ZNF831: variants seen among roughly 807,000 people sequenced by gnomAD.
ZNF831 encodes zinc finger protein 831.
In ZNF831, 59 loss-of-function variants were observed where a neutral mutation model predicts 95.8. The ratio of observed to expected loss-of-function variants is 0.62; its 90% CI spans 0.50 to 0.77. The LOEUF (loss-of-function observed/expected upper bound fraction) is 0.77, where lower values mean the gene tolerates loss of function less well. Among genes scored for constraint, ZNF831 ranks in the 30% least tolerant of loss-of-function variants. ZNF831 has a pLI of 0.00. For missense variants in ZNF831, 2,205 were observed against 2,164.0 expected (o/e 1.02, Z -0.38); for synonymous variants, 961 against 925.5 (o/e 1.04, Z -0.70).
chr20:59,174,571 C>T (rs1053051918), intron 1 of ZNF831, among the ~76,000 whole-genome samples: 5 of 152,038 alleles, frequency 3.3e-5, no homozygotes, highest in African/African-American at 7.2e-5. Flanking sequence ...AAAACTTGCT[C>T]GGGAGTGTTG....
intron 1 of ZNF831, among the ~76,000 whole-genome samples, chr20:59,178,229 A>G (rs777961108): frequency 6.6e-6 from 1 of 152,172 alleles, no homozygotes; most frequent in African/African-American, 2.4e-5. Context: ...AGTGGTGGAA[A>G]TTGTTATTTT....
rs1469973721 is a variant in ZNF831 at position 59,217,083 on chromosome 20, C to T, written c.4027+10027C>T. 7.2e-5 allele frequency among the ~76,000 whole-genome samples: 11 copies of T among 152,170 alleles called. No individual in the cohort carries two copies. The highest frequency in any genetic ancestry group is 2.7e-4 in the African/African-American group (11 of 41,434). ...AATAGATAAGGCTGATGTTCAGTTT[C>T]ACCACTACCCCATCCCAATACCATC... is the stretch of plus-strand genomic sequence containing the variant. On this transcript the variant is annotated intron_variant, in intron 4 of 5. Transcript: ENST00000371030. The surrounding 1 kb of genome is among the most constrained non-coding windows in gnomAD (Gnocchi z 4.4).
chr20:59,253,621 G>C (rs1230378053), intron 5 of ZNF831, among the ~76,000 whole-genome samples: 1 of 152,200 alleles, frequency 6.6e-6, no homozygotes, highest in East Asian at 1.9e-4. Flanking sequence ...CTGAGAACTG[G>C]TAAGATAATT....
chr20:59,253,874 T>TTTTTTC, intron 5 of ZNF831, 24 bp from the exon 6 acceptor site: 6 of 824,562 alleles, frequency 7.3e-6, no homozygotes, highest in Admixed American at 2.6e-5. Context: ...CCCCACTTTT[T>TTTTTTC]TTTTCCTTTG....
chr20:59,154,590 G>C (rs537997355), intron 2 of ZNF831, among the ~76,000 whole-genome samples: 1 of 152,262 alleles, frequency 6.6e-6, no homozygotes, highest in South Asian at 2.1e-4. Flanking sequence ...TTCTCTCGGA[G>C]ACAAGTCCTA....
intron 1 of ZNF831, among the ~76,000 whole-genome samples, chr20:59,167,216 T>G (rs895700702): frequency 6.6e-6 from 1 of 152,268 alleles, no homozygotes; most frequent in Admixed American, 6.5e-5. Context: ...GCTTATCTGC[T>G]GGCTGTATAC....
chr20:59,253,862 C>CCG, intron 5 of ZNF831, 36 bp from the exon 6 acceptor site: 1 of 1,070,948 alleles, frequency 9.3e-7, no homozygotes, highest in East Asian at 4.4e-5. Flanking sequence ...ATTAACCTCC[C>CCG]CCCCCACTTT....
Position 59,191,958 on chromosome 20 carries a change from C to A in ZNF831, c.939C>A (p.Cys313Ter), listed in dbSNP as rs150575356. 3.7e-6 allele frequency: 6 copies of A among 1,606,860 alleles called. No homozygotes were observed. The South Asian group carries it at 6.6e-5, about 18-fold the overall frequency. The change falls in exon 2 of 6, where the codon TGC becomes TGA. Residue 313 changes from cysteine to a stop codon, truncating the protein, a stop_gained. Transcript: ENST00000371030. LOFTEE classifies it high-confidence loss of function. ...AGTCGCCGACCGCCGGGAAGCCGTGCGCCCTGCAGCGGCAGCAGGCGACGG... is the reference window on the plus strand; with the variant it reads ...AGTCGCCGACCGCCGGGAAGCCGTGAGCCCTGCAGCGGCAGCAGGCGACGG... ...EQKSPTAGKP[C>*]ALQRQQATAA...
chr20:59,224,949 AT>A (rs1434360598), intron 4 of ZNF831, among the ~76,000 whole-genome samples: 2 of 149,058 alleles, frequency 1.3e-5, no homozygotes, highest in African/African-American at 5.0e-5. Flanking sequence ...GGGTTTTTAA[AT>A]TTTGTGATTT....
chr20:59,152,485 T>C (rs1327956331), intron 2 of ZNF831, among the ~76,000 whole-genome samples: 2 of 152,102 alleles, frequency 1.3e-5, no homozygotes, highest in East Asian at 1.9e-4. Flanking sequence ...TTTGGTTTGA[T>C]TGGAGGGTGC....
chr20:59,178,486 T>A (rs1470065599), intron 1 of ZNF831, among the ~76,000 whole-genome samples: 1 of 152,228 alleles, frequency 6.6e-6, no homozygotes, highest in Non-Finnish European at 1.5e-5. Context: ...TCAACCAATA[T>A]TTATTGAACA....
Position 59,255,635 on chromosome 20 carries a change from A to G in ZNF831, c.*892A>G, listed in dbSNP as rs1196998276. On this transcript the variant is annotated 3_prime_UTR_variant, in exon 6 of 6. Coordinates refer to ENST00000371030, the MANE Select transcript of ZNF831 (RefSeq NM_178457.3). ...TCATATTGTGCTCTGAGCAATTTCA[A>G]TTAGAGGGTTACATTTTAGTAATCT... 1.3e-5 allele frequency: 2 copies of G among 152,222 alleles called. No homozygotes were observed. The highest frequency in any genetic ancestry group is 1.5e-5 in the Non-Finnish European group (1 of 68,036). 9.4% of individuals were successfully genotyped at this position (152,222 alleles called of 1,614,324 possible).
chr20:59,180,278 G>T (rs1601343407), intron 1 of ZNF831, among the ~76,000 whole-genome samples: 1 of 151,978 alleles, frequency 6.6e-6, no homozygotes, highest in African/African-American at 2.4e-5. Context: ...GTAGAGATGG[G>T]GGTCTCACTA....
At chr20:59,164,838 A>T (rs1375705021) in intron 1 of ZNF831, among the ~76,000 whole-genome samples, 1 of 152,212 alleles carries the variant, frequency 6.6e-6, no homozygotes, top group East Asian at 1.9e-4. Context: ...TCTGAGAGGT[A>T]ACGTGTTTCT....
intron 2 of ZNF831, among the ~76,000 whole-genome samples, chr20:59,153,293 G>A (rs259991): frequency 0.085 from 12,889 of 152,268 alleles, 1,181 homozygotes; most frequent in African/African-American, 0.23. Flanking sequence ...ACTGGACCCG[G>A]AGAGAACAGG....
In ZNF831 at chr20:59,202,323, C is replaced by A. The variant is rs1984589220; in HGVS notation, c.3876-4582C>A. On this transcript the variant is annotated intron_variant, in intron 3 of 5. Transcript: ENST00000371030. ...TCTTGCACTTGACTCTTATTTTCAA[C>A]CTTTTTTTTTTTTTTTAAAAAAAAA... is the stretch of plus-strand genomic sequence containing the variant. Among the ~76,000 whole-genome samples the A allele has an allele frequency of 4.7e-5, 6 of 127,908 alleles. No homozygotes were observed. The South Asian group carries it at 1.5e-3, about 32-fold the overall frequency. The allele number at this position is 127,908 out of a possible 152,430, so 83.9% of individuals were successfully genotyped here. A position where few individuals can be genotyped will look rare whatever the true frequency, so the allele number is the denominator to read the frequency against.
chr20:59,216,676 G>A (rs1001089584), intron 4 of ZNF831, among the ~76,000 whole-genome samples: 1 of 152,054 alleles, frequency 6.6e-6, no homozygotes, highest in Non-Finnish European at 1.5e-5. Flanking sequence ...GATGGAATGC[G>A]TGATAGACAG....
intron 1 of ZNF831, among the ~76,000 whole-genome samples, chr20:59,133,297 C>G (rs1217773790): frequency 8.2e-6 from 1 of 122,482 alleles, no homozygotes; most frequent in Non-Finnish European, 1.7e-5. Context: ...TTGCTATGCT[C>G]TGGTCCTGCA....
rs756694854 is a variant in ZNF831 at position 59,192,194 on chromosome 20, C to T, written c.1175C>T (p.Ala392Val). Residue 392 changes from alanine to valine, a missense_variant, in exon 2 of 6, where the codon GCG becomes GTG. Physicochemically the swap from Ala to Val is moderately conservative, Grantham distance 64. Transcript: ENST00000371030. This position sits in a 1 kb window ranked among gnomAD's most constrained non-coding sequence, Gnocchi z 5.2. ...GGGGTCGCAGGGGCCGAGCCCGGGG[C>T]GCGAGAAGCCGGCCTGGAGCTGGAG... ...GPGVAGAEPG[A>V]REAGLELEKK... The T allele has an allele frequency of 1.3e-6, 2 of 1,572,204 alleles. No homozygotes were observed. The highest frequency in any genetic ancestry group is 2.3e-5 in the East Asian group (1 of 43,142).
Sources: gnomAD v4.1 joint callset for allele counts (sites outside exome capture counted in the v4.1 genomes callset) on GRCh38, gnomAD v4.1.1 for gene constraint, Gnocchi (gnomAD v3.1) non-coding constraint, MANE v1.5 for transcripts, NCBI Gene and HGNC (gene_info 2026-07-23, HGNC 2026-07-21) for gene names.